The following CEP112 variants were observed in gnomAD, a reference collection of about 807,000 sequenced individuals.
The protein encoded by CEP112 is centrosomal protein of 112 kDa.
A neutral mutation model predicts 153.0 loss-of-function variants in CEP112; 127 were observed. That is an observed-to-expected ratio of 0.83 (90% CI 0.72 to 0.96). CEP112 has a LOEUF of 0.96. CEP112 is among the 40% of genes least tolerant of loss of function. CEP112 has a pLI of 0.00. For synonymous variants in CEP112, 358 were observed against 374.4 expected (o/e 0.96, Z 0.51); for missense variants, 1,089 against 1,101.2 (o/e 0.99, Z 0.16).
chr17:65,703,126 TA>T (rs2048725688), intron 23 of CEP112, among the ~76,000 whole-genome samples: 1 of 152,202 alleles, frequency 6.6e-6, no homozygotes, highest in Admixed American at 6.5e-5. Flanking sequence ...ATTGGTGTCC[TA>T]ACTCAAAGCT....
chr17:65,793,732 C>T (rs577622617), intron 21 of CEP112, among the ~76,000 whole-genome samples: 21 of 152,278 alleles, frequency 1.4e-4, no homozygotes, highest in African/African-American at 4.8e-4. Flanking sequence ...AATCTGTACC[C>T]TCTAGGTTTG....
At chr17:65,752,266 C>T (rs1366116621) in intron 21 of CEP112, among the ~76,000 whole-genome samples, 1 of 152,058 alleles carries the variant, frequency 6.6e-6, no homozygotes, top group Non-Finnish European at 1.5e-5. Context: ...AGTGAGGTCT[C>T]CAAAGCTGGA....
intron 8 of CEP112, 109 bp from the exon 9 acceptor site, chr17:66,070,110 C>G (rs1439110400): frequency 1.1e-5 from 7 of 635,004 alleles, no homozygotes; most frequent in Non-Finnish European, 1.9e-5. Flanking sequence ...TCATTTTCCA[C>G]CTTTACCTTG....
chr17:65,942,162 G>A (rs1028384459), intron 18 of CEP112, among the ~76,000 whole-genome samples: 2 of 136,234 alleles, frequency 1.5e-5, no homozygotes, highest in African/African-American at 5.2e-5. Context: ...TCCACCTCCT[G>A]TCAGATCAGT....
chr17:66,080,594 G>A (rs186191232), intron 8 of CEP112, among the ~76,000 whole-genome samples: 3 of 152,348 alleles, frequency 2.0e-5, no homozygotes, highest in Admixed American at 2.0e-4. Context: ...CATTATGGAA[G>A]ACAGTGTGGA....
chr17:65,779,741 C>A (rs1426148555), intron 21 of CEP112, among the ~76,000 whole-genome samples: 2 of 152,146 alleles, frequency 1.3e-5, no homozygotes, highest in Non-Finnish European at 2.9e-5. Flanking sequence ...GTTTTTGTCA[C>A]TGCCTATTCA....
chr17:66,054,928 T>C (rs1315250108), intron 11 of CEP112, among the ~76,000 whole-genome samples: 2 of 152,042 alleles, frequency 1.3e-5, no homozygotes, highest in Non-Finnish European at 2.9e-5. Flanking sequence ...GGCTAATTTT[T>C]TATATTTTTA....
intron 12 of CEP112, among the ~76,000 whole-genome samples, chr17:66,047,667 A>G (rs2066270092): frequency 6.6e-6 from 1 of 152,222 alleles, no homozygotes; most frequent in South Asian, 2.1e-4. Context: ...ATAAATTATA[A>G]AATACTTGCT....
At chr17:65,819,935 G>C (rs896794857) in intron 21 of CEP112, among the ~76,000 whole-genome samples, 1 of 152,024 alleles carries the variant, frequency 6.6e-6, no homozygotes, top group Non-Finnish European at 1.5e-5. Context: ...ATTAAAATAA[G>C]ATTTGTAGTT....
At chr17:66,159,430 A>G (rs1435435664) in intron 4 of CEP112, among the ~76,000 whole-genome samples, 1 of 152,232 alleles carries the variant, frequency 6.6e-6, no homozygotes, top group African/African-American at 2.4e-5. Flanking sequence ...TCCCTGATGA[A>G]CATCGATGCA....
At chr17:66,098,835 T>A (rs2068449376) in intron 6 of CEP112, among the ~76,000 whole-genome samples, 1 of 152,070 alleles carries the variant, frequency 6.6e-6, no homozygotes, top group African/African-American at 2.4e-5. Flanking sequence ...TGGATTAACA[T>A]GTAGGTGGCC....
chr17:65,669,852 G>A (rs969003479), intron 24 of CEP112, among the ~76,000 whole-genome samples: 3 of 150,930 alleles, frequency 2.0e-5, no homozygotes, highest in South Asian at 2.1e-4. Flanking sequence ...GCGGTGAGCC[G>A]AGATCGCGCC....
chr17:66,051,678 C>T (rs1168765754), intron 12 of CEP112, among the ~76,000 whole-genome samples: 1 of 152,120 alleles, frequency 6.6e-6, no homozygotes, highest in Non-Finnish European at 1.5e-5. Context: ...ATATATGTGT[C>T]ATACGCCTGC....
At chr17:65,927,481 A>G (rs2060969728) in intron 19 of CEP112, 101 bp downstream of exon 19, 5 of 672,162 alleles carry the variant, frequency 7.4e-6, no homozygotes, top group Non-Finnish European at 1.0e-5. Flanking sequence ...AGCTCTTAGT[A>G]ATATTTTCAT....
At chr17:65,655,088 A>G (rs1281157215) in intron 24 of CEP112, 2 of 697,860 alleles carry the variant, frequency 2.9e-6, no homozygotes, top group East Asian at 3.1e-5. Context: ...TGGCACCAAT[A>G]ATGTGTTTAA....
chr17:65,665,457 A>G (rs1227802991), intron 24 of CEP112, among the ~76,000 whole-genome samples: 2 of 152,184 alleles, frequency 1.3e-5, no homozygotes, highest in Non-Finnish European at 2.9e-5. Context: ...GGTCTCTGCT[A>G]GAATTAGAGC....
At chr17:66,173,574 A>G (rs933271149) in intron 4 of CEP112, among the ~76,000 whole-genome samples, 10 of 152,200 alleles carry the variant, frequency 6.6e-5, no homozygotes, top group Non-Finnish European at 1.5e-4. Context: ...AGAAACCCAG[A>G]ATTTAGCTGG....
At chr17:66,174,349 A>C (rs183977463) in intron 4 of CEP112, among the ~76,000 whole-genome samples, 37 of 152,366 alleles carry the variant, frequency 2.4e-4, no homozygotes, top group African/African-American at 8.2e-4. Flanking sequence ...ATAAACCAAA[A>C]AAATTATAGT....
chr17:65,783,819 C>T (rs1298945229), intron 21 of CEP112, among the ~76,000 whole-genome samples: 3 of 152,186 alleles, frequency 2.0e-5, no homozygotes, highest in Non-Finnish European at 4.4e-5. Context: ...AAATCTACTT[C>T]CACCATCTTT....
Sources: allele counts gnomAD v4.1 joint callset (sites outside exome capture counted in the v4.1 genomes callset), GRCh38; gene constraint gnomAD v4.1.1; transcripts MANE v1.5; gene names NCBI Gene and HGNC (gene_info 2026-07-23, HGNC 2026-07-21).